Variants in MYO1H observed in about 807,000 individuals in gnomAD.
MYO1H encodes unconventional myosin-Ih.
In MYO1H, 118 loss-of-function variants were observed where a neutral mutation model predicts 149.3. The observed-to-expected ratio is 0.79, with a 90% confidence interval of 0.68 to 0.92. MYO1H has a LOEUF of 0.92. MYO1H is among the 40% of genes least tolerant of loss of function. MYO1H has a pLI of 0.00. For missense variants in MYO1H, 1,212 were observed against 1,280.7 expected (o/e 0.95, Z 0.82); for synonymous variants, 447 against 465.2 (o/e 0.96, Z 0.50).
chr12:109,444,148 C>A, intron 28 of MYO1H, 65 bp from the exon 29 acceptor site: 3 of 1,274,190 alleles, frequency 2.4e-6, no homozygotes, highest in Non-Finnish European at 3.4e-6. Context: ...GGGCGTATCT[C>A]TTCTTCCTCT....
chr12:109,443,516 T>C, exon 28 of MYO1H: 1 of 1,613,642 alleles, frequency 6.2e-7, no homozygotes, highest in Non-Finnish European at 8.5e-7. Context: ...CCTTGCAGTA[T>C]GGTGTCCCGG....
intron 2 of MYO1H, among the ~76,000 whole-genome samples, chr12:109,392,436 T>A (rs6606707): frequency 5.9e-5 from 9 of 152,130 alleles, no homozygotes; most frequent in Admixed American, 2.0e-4. Flanking sequence ...TAAAGAAGTC[T>A]TCCCGGCCAG....
At chr12:109,353,714 C>G (rs1218191403) in intron 1 of MYO1H, among the ~76,000 whole-genome samples, 6 of 152,104 alleles carry the variant, frequency 3.9e-5, no homozygotes, top group Non-Finnish European at 8.8e-5. Flanking sequence ...TGCAGTGGCA[C>G]CATCTCGGCT....
At chr12:109,333,192 T>C in the MYO1H span, among the ~76,000 whole-genome samples, 133 of 152,134 alleles carry the variant, frequency 8.7e-4, no homozygotes, top group African/African-American at 3.1e-3. Context: ...TGGTGGCAGG[T>C]GCCTGTAATC....
the MYO1H span, among the ~76,000 whole-genome samples, chr12:109,329,033 CTT>C: frequency 8.3e-4 from 110 of 131,992 alleles, no homozygotes; most frequent in Middle Eastern, 4.0e-3. Context: ...TCTTTTTTTT[CTT>C]TTTTTTTTTT....
At chr12:109,426,201 G>A (rs1871346879) in intron 18 of MYO1H, 150 bp downstream of exon 18, 2 of 668,336 alleles carry the variant, frequency 3.0e-6, no homozygotes, top group African/African-American at 1.8e-5. Flanking sequence ...GATAGAAGTT[G>A]GCCAGATGTT....
At chr12:109,378,289 C>A (rs1327263561) in intron 1 of MYO1H, among the ~76,000 whole-genome samples, 1 of 147,406 alleles carries the variant, frequency 6.8e-6, no homozygotes, top group Non-Finnish European at 1.5e-5. Flanking sequence ...AGTGGCTGCA[C>A]CATTTTCTTT....
chr12:109,364,144 C>T (rs1303034372), intron 1 of MYO1H, among the ~76,000 whole-genome samples: 1 of 132,266 alleles, frequency 7.6e-6, no homozygotes, highest in Non-Finnish European at 1.5e-5. Flanking sequence ...GCACTCCAGA[C>T]TGGGCAACAG....
intron 3 of MYO1H, 114 bp from the exon 4 acceptor site, chr12:109,396,270 A>G: frequency 1.3e-6 from 1 of 799,902 alleles, no homozygotes; most frequent in Non-Finnish European, 2.0e-6. Context: ...CTTGTACCAC[A>G]GTCTGGATGT....
intron 2 of MYO1H, among the ~76,000 whole-genome samples, chr12:109,389,927 A>C (rs1869571390): frequency 1.3e-5 from 2 of 152,184 alleles, no homozygotes; most frequent in Admixed American, 6.5e-5. Flanking sequence ...CCTAGAGCCT[A>C]ACTTTCATAA....
At chr12:109,341,115 G>A in the MYO1H span, among the ~76,000 whole-genome samples, 1 of 151,034 alleles carries the variant, frequency 6.6e-6, no homozygotes, top group South Asian at 2.1e-4. Flanking sequence ...TTGAATCTGG[G>A]AGGCGGAGGT....
At chr12:109,373,813 T>C (rs1032389727) in intron 1 of MYO1H, among the ~76,000 whole-genome samples, 1 of 152,172 alleles carries the variant, frequency 6.6e-6, no homozygotes, top group Admixed American at 6.5e-5. Context: ...TTTTCTTTGT[T>C]GTTTTACCAC....
intron 22 of MYO1H, among the ~76,000 whole-genome samples, chr12:109,436,957 T>C (rs866616886): frequency 9.2e-5 from 14 of 151,762 alleles, no homozygotes; most frequent in African/African-American, 3.4e-4. Context: ...ACCCAAAAAT[T>C]AGCTAGGCAT....
intron 23 of MYO1H, 116 bp downstream of exon 23, chr12:109,438,736 C>A: frequency 1.3e-6 from 1 of 758,142 alleles, no homozygotes; most frequent in Non-Finnish European, 2.2e-6. Context: ...AAAGGAAAAA[C>A]TCCCTTCAGA....
chr12:109,401,959 C>G (rs112567451), intron 6 of MYO1H, among the ~76,000 whole-genome samples: 1 of 152,054 alleles, frequency 6.6e-6, no homozygotes, highest in Non-Finnish European at 1.5e-5. Flanking sequence ...AGGCTGGTCT[C>G]AAACTCCTGA....
At chr12:109,440,429 C>A (rs1440694961) in intron 24 of MYO1H, 1 of 301,812 alleles carries the variant, frequency 3.3e-6, no homozygotes, top group Non-Finnish European at 6.2e-6. Context: ...GTGTCTGGAA[C>A]TTAGAGGCGG....
intron 19 of MYO1H, among the ~76,000 whole-genome samples, chr12:109,429,812 T>C (rs986086995): frequency 6.6e-6 from 1 of 152,208 alleles, no homozygotes; most frequent in Non-Finnish European, 1.5e-5. Context: ...TGTCTTAGTC[T>C]GTTTGGGCTG....
chr12:109,440,768 T>C (rs1202665550), exon 25 of MYO1H: 18 of 1,563,592 alleles, frequency 1.2e-5, no homozygotes, highest in South Asian at 2.4e-5. Flanking sequence ...CAGGAAAATG[T>C]GCGTGAGGAA....
At chr12:109,440,890 T>G in intron 25 of MYO1H, 63 bp downstream of exon 25, 1 of 1,147,824 alleles carries the variant, frequency 8.7e-7, no homozygotes. Flanking sequence ...GTCCTGAGTG[T>G]CAGTCCTCCT....
Sources: allele counts gnomAD v4.1 joint callset (sites outside exome capture counted in the v4.1 genomes callset), GRCh38; gene constraint gnomAD v4.1.1; transcripts MANE v1.5; gene names NCBI Gene and HGNC (gene_info 2026-07-23, HGNC 2026-07-21).